The following PDE6B variants were observed in gnomAD, a reference collection of about 807,000 sequenced individuals.
The protein encoded by PDE6B is phosphodiesterase 6B.
In PDE6B, 106 loss-of-function variants were observed where a neutral mutation model predicts 109.0. The ratio of observed to expected loss-of-function variants is 0.97; its 90% CI spans 0.83 to 1.14. PDE6B has a LOEUF of 1.14. Ranked by LOEUF, PDE6B falls within the 50% of genes most tolerant of loss-of-function variation. The pLI is 0.00. For missense variants in PDE6B, 1,193 were observed against 1,155.6 expected, an observed-to-expected ratio of 1.03 and a Z score of -0.47; for synonymous variants, 490 against 471.3, an observed-to-expected ratio of 1.04 and a Z score of -0.51.
intron 3 of PDE6B, among the ~76,000 whole-genome samples, chr4:646,305 CCTCTT>C (rs746457749): frequency 6.6e-6 from 1 of 151,996 alleles, no homozygotes; most frequent in Non-Finnish European, 1.5e-5. Flanking sequence ...ACTTCACTCT[CCTCTT>C]GCTCGCATCG....
chr4:655,440 CCAGG>C (rs1228665541), intron 6 of PDE6B: 1 of 285,474 alleles, frequency 3.5e-6, no homozygotes, highest in Non-Finnish European at 6.7e-6. Flanking sequence ...GATCCAGGTG[CCAGG>C]CTTGAGCACA....
At position 667,856 on chromosome 4, in the gene PDE6B, G is replaced by C. The variant is rs1211131572; in HGVS notation, c.2353G>C (p.Glu785Gln). The change falls in exon 21 of 22, where the codon GAG becomes CAG. Residue 785 changes from glutamate to glutamine, a missense_variant and splice_region_variant. Glu to Gln is a conservative substitution (Grantham distance 29). Coordinates refer to ENST00000496514, the MANE Select transcript of PDE6B (RefSeq NM_000283.4). ...IDFVCTFVYK[E>Q]FSRFHEEILP... ...GTGGTGACTTCTCGACTCCCCTCAG[G>C]AGTTCTCTCGTTTCCACGAAGAGAT... The C allele has an allele frequency of 8.1e-6, 13 of 1,612,820 alleles. No homozygotes were observed. Among genetic ancestry groups the C allele is most frequent in the Non-Finnish European group, 1.1e-5 (13 of 1,179,392 alleles).
chr4:659,942 A>T (rs775677277), intron 11 of PDE6B, among the ~76,000 whole-genome samples: 4 of 152,148 alleles, frequency 2.6e-5, no homozygotes, highest in African/African-American at 4.8e-5. Context: ...TGGACTGAGC[A>T]TGGGAATGTG....
chr4:654,243 T>G, intron 5 of PDE6B, 89 bp downstream of exon 5: 1 of 1,163,984 alleles, frequency 8.6e-7, no homozygotes, highest in Non-Finnish European at 1.3e-6. Flanking sequence ...GGGATAGGGG[T>G]GGGGTTTAGG....
intron 21 of PDE6B, among the ~76,000 whole-genome samples, chr4:669,276 T>G (rs887170405): frequency 1.4e-5 from 2 of 146,980 alleles, no homozygotes; most frequent in Non-Finnish European, 3.0e-5. Context: ...CACTACTCCA[T>G]GCTGCTGCCA....
rs117600415 is a variant in PDE6B, at chr4:632,518, C to G, written c.469-2159C>G. On this transcript the variant is annotated intron_variant, in intron 1 of 21. Coordinates refer to ENST00000496514, the MANE Select transcript of PDE6B (RefSeq NM_000283.4). ...GTTTTGTGGATCCATGTGGCACCAT[C>G]TCTGGATCATGTTGTGTGGATCTGC... 5.3e-5 allele frequency among the ~76,000 whole-genome samples: 8 copies of G among 150,986 alleles called. No homozygotes were observed. In the East Asian group the frequency reaches 1.4e-3, roughly 26 times the overall value.
rs1264853100 is a variant in PDE6B, at chr4:635,175, G to T, written c.621+346G>T. Among the ~76,000 whole-genome samples, 6 of 105,288 alleles carry T rather than the reference G, an allele frequency of 5.7e-5. No homozygotes were observed. The East Asian group carries it at 2.2e-3, about 39-fold the overall frequency. 69.1% of individuals were successfully genotyped at this position (105,288 alleles called of 152,430 possible). On this transcript the variant is annotated intron_variant, in intron 2 of 21. Coordinates refer to ENST00000496514, the MANE Select transcript of PDE6B (RefSeq NM_000283.4). Reference sequence around the variant, plus strand: ...CCTGCCCGCGTGTTCTGTGCTGCGCGTCCACCTCCTTACCTGCCTGCCCGC... The same window carrying T: ...CCTGCCCGCGTGTTCTGTGCTGCGCTTCCACCTCCTTACCTGCCTGCCCGC...
intron 20 of PDE6B, among the ~76,000 whole-genome samples, chr4:667,256 G>A (rs1215107648): frequency 2.0e-5 from 3 of 152,240 alleles, no homozygotes; most frequent in South Asian, 2.1e-4. Flanking sequence ...AGGATGCCAC[G>A]GGTTCCACAT....
intron 1 of PDE6B, among the ~76,000 whole-genome samples, chr4:628,246 G>A (rs1234199797): frequency 6.6e-6 from 1 of 152,050 alleles, no homozygotes; most frequent in African/African-American, 2.4e-5. Context: ...GTGGCTTCTG[G>A]GTTCATGTCT....
rs1003542272 is a variant in PDE6B, at chr4:663,850, G to A, written c.2001G>A (p.Thr667=). 1.1e-5 allele frequency: 17 copies of A among 1,611,932 alleles called. No individual in the cohort carries two copies. Among genetic ancestry groups the A allele is most frequent in the Non-Finnish European group, 1.4e-5 (17 of 1,179,120 alleles). ...IHLMDIAIIA[T]DLALYFKKRA... Reference sequence around the variant, plus strand: ...TGATGGACATCGCCATCATCGCCACGGACCTGGCCCTGTACTTCAAGTGCG... The same window carrying A: ...TGATGGACATCGCCATCATCGCCACAGACCTGGCCCTGTACTTCAAGTGCG... Residue 667 remains threonine (T), a synonymous_variant, in exon 16 of 22, where the codon ACG becomes ACA. Coordinates refer to ENST00000496514, the MANE Select transcript of PDE6B (RefSeq NM_000283.4). The surrounding 1 kb of genome is among the most constrained non-coding windows in gnomAD (Gnocchi z 4.0).
rs1160711108 is a variant in PDE6B at position 636,035 on chromosome 4, GC to G, written c.711+67del. The G allele has an allele frequency of 3.2e-6, 3 of 933,176 alleles. No individual in the cohort carries two copies. The highest frequency in any genetic ancestry group is 4.8e-5 in the East Asian group (2 of 41,850). 57.8% of individuals were successfully genotyped at this position (933,176 alleles called of 1,614,324 possible). On this transcript the variant is annotated intron_variant, in intron 3 of 21. Coordinates refer to ENST00000496514, the MANE Select transcript of PDE6B (RefSeq NM_000283.4). The surrounding 1 kb of genome is among the most constrained non-coding windows in gnomAD (Gnocchi z 4.5). ...GGTCCCTCCGCCCATCTCGCTGCCT[GC>G]ACAGAGGCGGGTGGTGGCAGGTGGT...
chr4:642,304 A>G (rs1054141478), intron 3 of PDE6B, among the ~76,000 whole-genome samples: 1 of 151,830 alleles, frequency 6.6e-6, no homozygotes, highest in Non-Finnish European at 1.5e-5. Context: ...AAAAACCCCC[A>G]TCTCTACTAA....
chr4:653,789 T>G, intron 3 of PDE6B, 63 bp from the exon 4 acceptor site: 1 of 1,580,768 alleles, frequency 6.3e-7, no homozygotes, highest in South Asian at 1.1e-5. Context: ...CCCCTGCTGC[T>G]GTGGTCAGAC....
At chr4:653,762 G>T in intron 3 of PDE6B, 90 bp from the exon 4 acceptor site, 1 of 1,430,088 alleles carries the variant, frequency 7.0e-7, no homozygotes, top group Non-Finnish European at 9.8e-7. Context: ...GCGCACCTGT[G>T]TCAGGCTTGA....
rs775835569 is a variant in PDE6B at position 662,569 on chromosome 4, C to T, written c.1783C>T (p.Leu595=). The T allele has an allele frequency of 5.6e-5, 91 of 1,612,916 alleles. 1 individual carries two copies. In the Middle Eastern group the frequency reaches 6.6e-4, roughly 12 times the overall value. Reference sequence around the variant, plus strand: ...GGCCTTCGCCATGGTGACAGCCGGCCTGTGCCATGACATCGACCACCGCGG... The same window carrying T: ...GGCCTTCGCCATGGTGACAGCCGGCTTGTGCCATGACATCGACCACCGCGG... The part of the protein sequence containing the change: ...LEAFAMVTAG[L]CHDIDHRGTN... The change falls in exon 14 of 22, where the codon CTG becomes TTG. Residue 595 remains leucine, a synonymous_variant. Transcript: ENST00000496514. This position sits in a 1 kb window ranked among gnomAD's most constrained non-coding sequence, Gnocchi z 4.3.
Position 665,199 on chromosome 4 carries a change from G to C in PDE6B, c.2194-56G>C. Reference sequence around the variant, plus strand: ...GCTCGGAGCCTCACGGGGCGGGCCCGGGCCCTTCCGCGTGGGCTCAGAGCT... The same window carrying C: ...GCTCGGAGCCTCACGGGGCGGGCCCCGGCCCTTCCGCGTGGGCTCAGAGCT... On this transcript the variant is annotated intron_variant, in intron 18 of 21. Coordinates refer to ENST00000496514, the MANE Select transcript of PDE6B (RefSeq NM_000283.4). The surrounding 1 kb of genome is among the most constrained non-coding windows in gnomAD (Gnocchi z 4.0). 7.6e-7 allele frequency: 1 copy of C among 1,322,658 alleles called. No homozygotes were observed. Among genetic ancestry groups the C allele is most frequent in the East Asian group, 2.4e-5 (1 of 42,430 alleles). The allele number at this position is 1,322,658 out of a possible 1,614,324, so 81.9% of individuals were successfully genotyped here. A position where few individuals can be genotyped will look rare whatever the true frequency, so the allele number is the denominator to read the frequency against.
In PDE6B at chr4:660,575, G is replaced by T; in HGVS notation, c.1576G>T (p.Glu526Ter). ...LVKCGIQMYY[E>*]LGVVRKFQIP... ...CAAATGTGGCATCCAGATGTACTAC[G>T]AGCTGGGCGTGGTCCGAAAGTTCCA... The change falls in exon 12 of 22, where the codon GAG becomes TAG. Residue 526 changes from glutamate to a stop codon, truncating the protein, a stop_gained. Transcript: ENST00000496514. LOFTEE classifies it high-confidence loss of function. 1 of 1,613,804 alleles carries T rather than the reference G, an allele frequency of 6.2e-7. No individual in the cohort carries two copies. The highest frequency in any genetic ancestry group is 1.1e-5 in the South Asian group (1 of 91,080).
At position 665,368 on chromosome 4, in the gene PDE6B, G is replaced by T. The variant is rs766090760; in HGVS notation, c.2268+39G>T. 2.5e-5 allele frequency: 36 copies of T among 1,438,138 alleles called. 1 individual carries two copies. In the South Asian group the frequency reaches 3.7e-4, roughly 15 times the overall value. 89.1% of individuals were successfully genotyped at this position (1,438,138 alleles called of 1,614,324 possible). A position where few individuals can be genotyped will look rare whatever the true frequency, so the allele number is the denominator to read the frequency against. ...CTGGAACCTTCCACTCCTGAAACGGGTGTTAGAGACCCCTCTTGGTCCTCA... is the reference window on the plus strand; with the variant it reads ...CTGGAACCTTCCACTCCTGAAACGGTTGTTAGAGACCCCTCTTGGTCCTCA... On this transcript the variant is annotated intron_variant, in intron 19 of 21. Transcript: ENST00000496514. This position sits in a 1 kb window ranked among gnomAD's most constrained non-coding sequence, Gnocchi z 4.0.
intron 3 of PDE6B, among the ~76,000 whole-genome samples, chr4:637,313 C>G (rs111756557): frequency 0.019 from 2,875 of 152,118 alleles, 120 homozygotes; most frequent in African/African-American, 0.066. Flanking sequence ...CCTCTGCCCC[C>G]CCGGTTCAAA....
Sources: allele counts gnomAD v4.1 joint callset (sites outside exome capture counted in the v4.1 genomes callset), GRCh38; gene constraint gnomAD v4.1.1; non-coding constraint Gnocchi (gnomAD v3.1); transcripts MANE v1.5; gene names NCBI Gene and HGNC (gene_info 2026-07-23, HGNC 2026-07-21).